The following CES4A variants were observed in gnomAD, a reference collection of about 807,000 sequenced individuals.
The protein encoded by CES4A is carboxylesterase 6.
A neutral mutation model predicts 65.4 loss-of-function variants in CES4A; 48 were observed. The ratio of observed to expected loss-of-function variants is 0.73; its 90% confidence interval spans 0.58 to 0.93. CES4A has a LOEUF of 0.93. CES4A is among the 40% of genes least tolerant of loss of function. The probability of loss-of-function intolerance (pLI) is 0.00; values close to 1 mark genes in which losing one functional copy is unlikely to be tolerated. For synonymous variants in CES4A, 247 were observed against 281.8 expected, an observed-to-expected ratio of 0.88 and a Z score of 1.24; for missense variants, 685 against 728.5, an observed-to-expected ratio of 0.94 and a Z score of 0.69.
intron 13 of CES4A, 47 bp downstream of exon 13, chr16:67,006,864 T>G (rs757079402): frequency 2.3e-4 from 367 of 1,572,312 alleles, no homozygotes; most frequent in Non-Finnish European, 3.0e-4. Context: ...TGCCCAGTGC[T>G]GGACCTGAAG....
At chr16:66,991,919 G>A (rs1002964929) in intron 1 of CES4A, among the ~76,000 whole-genome samples, 4 of 151,626 alleles carry the variant, frequency 2.6e-5, no homozygotes, top group African/African-American at 9.7e-5. Flanking sequence ...GACCAGCCTG[G>A]GTAACAAAGT....
At chr16:66,998,759 G>A (rs544644857) in intron 2 of CES4A, among the ~76,000 whole-genome samples, 16 of 152,244 alleles carry the variant, frequency 1.1e-4, no homozygotes, top group Non-Finnish European at 1.9e-4. Flanking sequence ...GGCTGAGGCA[G>A]TGAGCTGATA....
At chr16:66,994,941 T>C in intron 1 of CES4A, among the ~76,000 whole-genome samples, 1 of 151,640 alleles carries the variant, frequency 6.6e-6, no homozygotes, top group Non-Finnish European at 1.5e-5. Context: ...AAGGTGGAGG[T>C]TGCAGTGAGC....
At chr16:66,991,304 C>T (rs1425401033) in intron 1 of CES4A, among the ~76,000 whole-genome samples, 3 of 152,156 alleles carry the variant, frequency 2.0e-5, no homozygotes, top group Non-Finnish European at 2.9e-5. Context: ...GGATTACAGG[C>T]GTGAGCCACC....
At chr16:67,009,520 GC>G in exon 14 of CES4A, 1 of 174,506 alleles carries the variant, frequency 5.7e-6, no homozygotes, top group Non-Finnish European at 1.2e-5. Context: ...GACTGCCACT[GC>G]CCCTGTCACT....
chr16:66,988,696 C>A, exon 1 of CES4A: 1 of 1,549,158 alleles, frequency 6.5e-7, no homozygotes, highest in Non-Finnish European at 8.7e-7. Context: ...ACTGTAGACA[C>A]GGCTACCATG....
chr16:67,000,982 C>T lies in CES4A; in HGVS notation c.528C>T (p.Gly176=). The change falls in exon 4 of 14, where the codon GGC becomes GGT. Residue 176 remains glycine, a synonymous_variant. Transcript: ENST00000648724. The surrounding 1 kb of genome is among the most constrained non-coding windows in gnomAD (Gnocchi z 4.2). The stretch of plus-strand genomic sequence containing the variant: ...TGCAGCACAGGCTCGGCATCTTCGG[C>T]TTCCTGAGGTGGCGGGGCCGGTACC... 6.2e-7 allele frequency: 1 copy of T among 1,610,590 alleles called. No individual in the cohort carries two copies. Among genetic ancestry groups the T allele is most frequent in the Non-Finnish European group, 8.5e-7 (1 of 1,178,344 alleles).
chr16:66,989,053 C>T (rs1964167974), intron 1 of CES4A, among the ~76,000 whole-genome samples: 1 of 152,178 alleles, frequency 6.6e-6, no homozygotes, highest in African/African-American at 2.4e-5. Flanking sequence ...GTATTTCCTG[C>T]CTCCCGGCAC....
intron 13 of CES4A, chr16:67,008,583 G>A (rs891663648): frequency 1.8e-5 from 3 of 166,966 alleles, no homozygotes; most frequent in African/African-American, 7.2e-5. Flanking sequence ...TGTATATTTA[G>A]TAGAGACAGG....
chr16:66,993,683 T>C (rs1964572212), intron 1 of CES4A, among the ~76,000 whole-genome samples: 1 of 152,202 alleles, frequency 6.6e-6, no homozygotes, highest in Non-Finnish European at 1.5e-5. Flanking sequence ...TGTGCTCACA[T>C]GTACCTATAT....
chr16:66,990,563 G>A (rs1394617919), intron 1 of CES4A, among the ~76,000 whole-genome samples: 1 of 152,102 alleles, frequency 6.6e-6, no homozygotes, highest in East Asian at 1.9e-4. Context: ...CAAGCATGGT[G>A]TGGTGCATGC....
chr16:67,002,252 G>A (rs972982284), intron 5 of CES4A, among the ~76,000 whole-genome samples: 15 of 152,042 alleles, frequency 9.9e-5, no homozygotes, highest in African/African-American at 2.9e-4. Context: ...CATTACCTCC[G>A]CCTCCCGGGT....
At chr16:66,991,047 T>C (rs1964348544) in intron 1 of CES4A, among the ~76,000 whole-genome samples, 1 of 152,094 alleles carries the variant, frequency 6.6e-6, no homozygotes, top group Non-Finnish European at 1.5e-5. Context: ...GTTTTTGAGA[T>C]GGAGTCTCAC....
chr16:66,996,501 G>A (rs1298021026), intron 2 of CES4A, among the ~76,000 whole-genome samples: 2 of 152,186 alleles, frequency 1.3e-5, no homozygotes. Context: ...CTCTCTGGGG[G>A]CTGAGCCCTG....
At position 67,008,648 on chromosome 16, in the gene CES4A, C is replaced by T. The variant is rs139024851; in HGVS notation, c.1518-326C>T. On this transcript the variant is annotated intron_variant, in intron 13 of 13. Transcript: ENST00000648724. Reference sequence around the variant, plus strand: ...ATCTCCTGACCTCGTGATCCGCCCACCTCAGCCTCCCAAAGTGCTGGGATT... The same window carrying T: ...ATCTCCTGACCTCGTGATCCGCCCATCTCAGCCTCCCAAAGTGCTGGGATT... 551 of 221,976 alleles carry T rather than the reference C, an allele frequency of 2.5e-3. 4 individuals carry two copies. The highest frequency in any genetic ancestry group is 0.012 in the African/African-American group (506 of 43,706). 13.8% of individuals were successfully genotyped at this position (221,976 alleles called of 1,614,324 possible).
rs1447932074 is a variant in CES4A, at chr16:67,006,525, A to G, written c.1444+6A>G. On this transcript the variant is annotated splice_donor_region_variant and intron_variant, in intron 12 of 13. Coordinates refer to ENST00000648724, the Ensembl canonical transcript of CES4A. ...TGGGGGCCCCTTCGCCACAGGTGCA[A>G]AGGTCCCACCTGATACCCCAACTGG... 2 of 1,538,476 alleles carry G rather than the reference A, an allele frequency of 1.3e-6. No individual in the cohort carries two copies. The highest frequency in any genetic ancestry group is 1.2e-5 in the South Asian group (1 of 84,526).
At position 67,001,260 on chromosome 16, in the gene CES4A, C is replaced by A; in HGVS notation, c.537-48C>A. The A allele has an allele frequency of 6.5e-7, 1 of 1,533,754 alleles. No homozygotes were observed. Among genetic ancestry groups the A allele is most frequent in the African/African-American group, 1.4e-5 (1 of 73,300 alleles). Reference sequence around the variant, plus strand: ...AGCCCAGGAGGGCAGCCCAACGCGCCCCGACTGTCGAGGCCCGGGACCCTG... The same window carrying A: ...AGCCCAGGAGGGCAGCCCAACGCGCACCGACTGTCGAGGCCCGGGACCCTG... On this transcript the variant is annotated intron_variant, in intron 4 of 13. Transcript: ENST00000648724. The surrounding 1 kb of genome is among the most constrained non-coding windows in gnomAD (Gnocchi z 4.1).
rs999978259 is a variant in CES4A, at chr16:67,006,446, C to T, written c.1371C>T (p.Ile457=). Residue 457 remains isoleucine, a synonymous_variant, in exon 12 of 14, where the codon ATC becomes ATT. Coordinates refer to ENST00000648724, the Ensembl canonical transcript of CES4A. ...TTGAGCACCACGCTCGTGGAATAATCGTCAAACCCCGCACTGATGGGGCAG... is the reference window on the plus strand; with the variant it reads ...TTGAGCACCACGCTCGTGGAATAATTGTCAAACCCCGCACTGATGGGGCAG... The T allele has an allele frequency of 7.4e-5, 114 of 1,536,466 alleles. No individual in the cohort carries two copies. In the Admixed American group the frequency reaches 8.0e-4, roughly 11 times the overall value.
Position 66,998,460 on chromosome 16 carries a change from G to A in CES4A, c.261-2178G>A, listed in dbSNP as rs1597072582. Among the ~76,000 whole-genome samples, 4 of 152,028 alleles carry A rather than the reference G, an allele frequency of 2.6e-5. No homozygotes were observed. The South Asian group carries it at 8.3e-4, about 31-fold the overall frequency. ...TAAAAATTATCCGGTGTGATGGTGC[G>A]TGCTTGTAGTCCTAGCTACTTGGGA... On this transcript the variant is annotated intron_variant, in intron 2 of 13. Transcript: ENST00000648724.
Sources: allele counts gnomAD v4.1 joint callset (sites outside exome capture counted in the v4.1 genomes callset), GRCh38; gene constraint gnomAD v4.1.1; non-coding constraint Gnocchi (gnomAD v3.1); transcripts MANE v1.5; gene names NCBI Gene and HGNC (gene_info 2026-07-23, HGNC 2026-07-21).